Variants in SGCD observed in about 807,000 individuals in gnomAD.
SGCD encodes sarcoglycan delta.
Under a neutral mutation model 36.6 loss-of-function variants are expected in SGCD, and 18 were observed. That is an observed-to-expected ratio of 0.49 (90% CI 0.34 to 0.73). The LOEUF is 0.73. Ranked by LOEUF, SGCD falls within the 30% of genes least tolerant of loss-of-function variation. The pLI, the probability that SGCD is intolerant of heterozygous loss-of-function variation, is 0.01. For synonymous variants in SGCD, 133 were observed against 130.6 expected, an observed-to-expected ratio of 1.02 and a Z score of -0.12; for missense variants, 387 against 346.7, an observed-to-expected ratio of 1.12 and a Z score of -0.92.
At chr5:156,054,616 T>C (rs1005582889) in intron 1 of SGCD, among the ~76,000 whole-genome samples, 3 of 146,674 alleles carry the variant, frequency 2.0e-5, no homozygotes, top group Admixed American at 1.4e-4. Context: ...TTTAAATATC[T>C]CAAAACATTT....
chr5:156,518,968 C>T (rs1426635155), intron 4 of SGCD, among the ~76,000 whole-genome samples: 1 of 151,850 alleles, frequency 6.6e-6, no homozygotes, highest in African/African-American at 2.4e-5. Context: ...CAAACAAACC[C>T]CTAAGCTAGC....
chr5:156,490,960 A>C (rs1437337387), intron 3 of SGCD, among the ~76,000 whole-genome samples: 1 of 152,104 alleles, frequency 6.6e-6, no homozygotes, highest in Admixed American at 6.5e-5. Flanking sequence ...AAAAACCTAA[A>C]TACTCCACCA....
intron 7 of SGCD, among the ~76,000 whole-genome samples, chr5:156,692,686 C>G (rs1417975814): frequency 6.6e-6 from 1 of 152,076 alleles, no homozygotes; most frequent in Non-Finnish European, 1.5e-5. Context: ...CCTAACGTGC[C>G]TTGGTTGTTA....
intron 7 of SGCD, among the ~76,000 whole-genome samples, chr5:156,727,473 T>C (rs748928000): frequency 6.6e-5 from 10 of 152,232 alleles, no homozygotes; most frequent in Non-Finnish European, 1.2e-4. Flanking sequence ...ATAGACCAAG[T>C]ACTACCTTCT....
intron 7 of SGCD, among the ~76,000 whole-genome samples, chr5:156,717,130 C>A (rs561977276): frequency 1.3e-5 from 2 of 152,208 alleles, no homozygotes; most frequent in African/African-American, 4.8e-5. Flanking sequence ...ATAATCAGTT[C>A]AAAGGAATTC....
chr5:155,857,483 C>A, the SGCD span, among the ~76,000 whole-genome samples: 1 of 152,078 alleles, frequency 6.6e-6, no homozygotes, highest in Non-Finnish European at 1.5e-5. Flanking sequence ...ATGTACAGAA[C>A]AACAAAGATG....
intron 7 of SGCD, among the ~76,000 whole-genome samples, chr5:156,711,157 GA>G (rs1459623345): frequency 6.6e-6 from 1 of 152,166 alleles, no homozygotes; most frequent in Admixed American, 6.5e-5. Context: ...ATCATGGCCT[GA>G]ACCAGTGTTT....
chr5:155,855,124 A>G, the SGCD span, among the ~76,000 whole-genome samples: 1 of 152,100 alleles, frequency 6.6e-6, no homozygotes, highest in African/African-American at 2.4e-5. Flanking sequence ...AACTGCCAAC[A>G]TCTGAATCTC....
intron 3 of SGCD, among the ~76,000 whole-genome samples, chr5:156,424,237 G>A (rs866683690): frequency 6.6e-6 from 1 of 151,884 alleles, no homozygotes; most frequent in African/African-American, 2.4e-5. Flanking sequence ...AAATAAAATG[G>A]TGTGTATCTG....
chr5:155,874,573 G>C (rs377295365), intron 1 of SGCD, among the ~76,000 whole-genome samples: 25 of 152,206 alleles, frequency 1.6e-4, no homozygotes, highest in African/African-American at 6.0e-4. Flanking sequence ...AACTCAAAAA[G>C]AGAAGCAACC....
chr5:155,737,388 G>C, the SGCD span, among the ~76,000 whole-genome samples: 1 of 152,098 alleles, frequency 6.6e-6, no homozygotes, highest in South Asian at 2.1e-4. Flanking sequence ...TACATGTGGA[G>C]ACACAATATA....
At chr5:155,848,841 G>C in the SGCD span, among the ~76,000 whole-genome samples, 1,468 of 152,240 alleles carry the variant, frequency 9.6e-3, 24 homozygotes, top group African/African-American at 0.034. Context: ...AGGAAGGAAA[G>C]GGCCATGCCT....
chr5:156,671,189 A>G (rs910156188), intron 7 of SGCD, among the ~76,000 whole-genome samples: 2 of 151,330 alleles, frequency 1.3e-5, no homozygotes, highest in African/African-American at 4.8e-5. Context: ...AAAAAAAAGA[A>G]AGAAAGAAAG....
chr5:155,828,763 T>C, the SGCD span, among the ~76,000 whole-genome samples: 6 of 152,184 alleles, frequency 3.9e-5, no homozygotes, highest in African/African-American at 1.2e-4. Flanking sequence ...CTTGGCTCAT[T>C]GTAACCTCCG....
chr5:156,743,806 T>C (rs1318788277), intron 7 of SGCD, among the ~76,000 whole-genome samples: 3 of 152,222 alleles, frequency 2.0e-5, no homozygotes, highest in Non-Finnish European at 4.4e-5. Context: ...AGCAGATTCA[T>C]TGGTAAAACT....
At chr5:156,174,542 T>C (rs1763420210) in intron 3 of SGCD, among the ~76,000 whole-genome samples, 1 of 152,236 alleles carries the variant, frequency 6.6e-6, no homozygotes, top group African/African-American at 2.4e-5. Context: ...GTGTTAAGGA[T>C]TGCAGTTATT....
chr5:156,307,556 T>TTTG (rs1767255855), intron 3 of SGCD, among the ~76,000 whole-genome samples: 1 of 53,376 alleles, frequency 1.9e-5, no homozygotes, highest in Non-Finnish European at 3.3e-5. Flanking sequence ...TTAACTGTTG[T>TTTG]TTTTTTTTTT....
chr5:156,585,777 A>C (rs889184518), intron 4 of SGCD, among the ~76,000 whole-genome samples: 2 of 152,292 alleles, frequency 1.3e-5, no homozygotes, highest in East Asian at 3.9e-4. Context: ...CTCCCTGCCA[A>C]CTCAAAGATG....
At chr5:155,932,695 T>C (rs1757122095) in intron 1 of SGCD, among the ~76,000 whole-genome samples, 1 of 152,314 alleles carries the variant, frequency 6.6e-6, no homozygotes, top group African/African-American at 2.4e-5. Context: ...ATGTGTAAAA[T>C]GTTTTAATTC....
Sources: gnomAD v4.1 joint callset for allele counts (sites outside exome capture counted in the v4.1 genomes callset) on GRCh38, gnomAD v4.1.1 for gene constraint, MANE v1.5 for transcripts, NCBI Gene and HGNC (gene_info 2026-07-23, HGNC 2026-07-21) for gene names.